The following LRRC7 variants were observed in gnomAD, a reference collection of about 807,000 sequenced individuals.
LRRC7 encodes leucine-rich repeat-containing protein 7.
LRRC7 carries 23 observed loss-of-function variants against 175.7 expected under a neutral mutation model. The observed-to-expected ratio is 0.13, with a 90% confidence interval of 0.09 to 0.19. The LOEUF is 0.19. Among genes scored for constraint, LRRC7 ranks in the 10% least tolerant of loss-of-function variants. The pLI is 1.00. For synonymous variants in LRRC7, 685 were observed against 680.9 expected (o/e 1.01, Z -0.09); for missense variants, 1,354 against 1,904.7 (o/e 0.71, Z 5.38).
intron 2 of LRRC7, among the ~76,000 whole-genome samples, chr1:69,708,153 A>G (rs542721194): frequency 6.6e-6 from 1 of 152,224 alleles, no homozygotes; most frequent in East Asian, 1.9e-4. Context: ...TAAAGCCACA[A>G]TATATACGTA....
rs1302499163 is a variant in LRRC7 at position 70,038,435 on chromosome 1, G to C, written c.2611G>C (p.Glu871Gln). 5 of 1,613,992 alleles carry C rather than the reference G, an allele frequency of 3.1e-6. No homozygotes were observed. The highest frequency in any genetic ancestry group is 3.4e-6 in the Non-Finnish European group (4 of 1,180,008). Residue 871 changes from glutamate (E) to glutamine (Q), a missense_variant, in exon 21 of 27, where the codon GAA (glutamate) becomes CAA (glutamine). Transcript: ENST00000651989. ...LEQSTHRHTPETEVPPSNPWQ... is the reference protein window; with the variant it reads ...LEQSTHRHTPQTEVPPSNPWQ... ...GCAGTCTACACACAGACACACACCAGAAACAGAAGTGCCTCCTTCCAATCC... is the reference window on the plus strand; with the variant it reads ...GCAGTCTACACACAGACACACACCACAAACAGAAGTGCCTCCTTCCAATCC...
chr1:69,777,119 A>G (rs191042684), intron 3 of LRRC7, among the ~76,000 whole-genome samples: 1 of 152,132 alleles, frequency 6.6e-6, no homozygotes, highest in South Asian at 2.1e-4. Flanking sequence ...TCCTTCTGTC[A>G]TCACCAATGG....
chr1:69,812,067 A>C (rs1677956509), intron 4 of LRRC7, among the ~76,000 whole-genome samples: 1 of 152,168 alleles, frequency 6.6e-6, no homozygotes, highest in South Asian at 2.1e-4. Context: ...ATTTGGCCTA[A>C]GAAAAATATA....
chr1:69,766,137 G>A (rs930731462), intron 3 of LRRC7, among the ~76,000 whole-genome samples: 1 of 151,936 alleles, frequency 6.6e-6, no homozygotes, highest in African/African-American at 2.4e-5. Flanking sequence ...GCTGGAACTT[G>A]CCCAGAAGTT....
At chr1:69,671,508 A>T (rs1659074364) in intron 1 of LRRC7, among the ~76,000 whole-genome samples, 1 of 152,140 alleles carries the variant, frequency 6.6e-6, no homozygotes, top group East Asian at 1.9e-4. Context: ...ACCAGTTGGT[A>T]TCTCAGTAGG....
intron 21 of LRRC7, among the ~76,000 whole-genome samples, chr1:70,041,069 G>C (rs985336135): frequency 6.6e-6 from 1 of 152,086 alleles, no homozygotes; most frequent in Non-Finnish European, 1.5e-5. Context: ...TGGTGAAAAT[G>C]GGGCTTTTTG....
At chr1:69,949,514 G>A (rs1398450323) in intron 8 of LRRC7, among the ~76,000 whole-genome samples, 1 of 152,066 alleles carries the variant, frequency 6.6e-6, no homozygotes, top group Non-Finnish European at 1.5e-5. Flanking sequence ...TGGAGATTGC[G>A]TGGCTCCACT....
At chr1:69,685,155 A>G (rs978622320) in intron 2 of LRRC7, among the ~76,000 whole-genome samples, 1 of 152,210 alleles carries the variant, frequency 6.6e-6, no homozygotes, top group Non-Finnish European at 1.5e-5. Context: ...CCAGATCAGC[A>G]TTAGCATTAT....
rs139364514 is a variant in LRRC7 at position 69,749,117 on chromosome 1, G to A, written c.101-11074G>A. On this transcript the variant is annotated intron_variant, in intron 2 of 26. Transcript: ENST00000651989. ...AATTTTCTTTCTACTGTCCTTACAT[G>A]TATATTTGCATATTTAAATAAGTTA... Among the ~76,000 whole-genome samples, 187 of 152,192 alleles carry A rather than the reference G, an allele frequency of 1.2e-3. 1 individual carries two copies. The highest frequency in any genetic ancestry group is 4.3e-3 in the African/African-American group (177 of 41,510).
chr1:70,001,538 A>T (rs1294751325), intron 11 of LRRC7, among the ~76,000 whole-genome samples: 1 of 152,220 alleles, frequency 6.6e-6, no homozygotes, highest in African/African-American at 2.4e-5. Context: ...TTTTAATGAA[A>T]CATTCTATCT....
intron 4 of LRRC7, among the ~76,000 whole-genome samples, chr1:69,819,713 C>G (rs1679044820): frequency 6.6e-6 from 1 of 151,614 alleles, no homozygotes; most frequent in South Asian, 2.1e-4. Context: ...ATGCTTGCTT[C>G]ATATATTTAG....
intron 1 of LRRC7, among the ~76,000 whole-genome samples, chr1:69,605,971 TAAGAC>T (rs1328476435): frequency 4.6e-5 from 7 of 152,156 alleles, no homozygotes; most frequent in Non-Finnish European, 1.0e-4. Context: ...CTAAAAAACT[TAAGAC>T]AAACTAAAAG....
At chr1:69,841,586 C>T (rs924492525) in intron 7 of LRRC7, among the ~76,000 whole-genome samples, 1 of 152,062 alleles carries the variant, frequency 6.6e-6, no homozygotes, top group African/African-American at 2.4e-5. Flanking sequence ...AATAGTCTCC[C>T]TTCTTCTTTA....
intron 7 of LRRC7, among the ~76,000 whole-genome samples, chr1:69,915,697 A>C (rs1291672217): frequency 1.3e-5 from 2 of 152,102 alleles, no homozygotes; most frequent in Non-Finnish European, 2.9e-5. Context: ...CAACACTTAT[A>C]AATCCTTGGA....
intron 24 of LRRC7, among the ~76,000 whole-genome samples, chr1:70,078,792 ACGCGCGCGCG>A (rs141606062): frequency 0.088 from 12,859 of 146,580 alleles, 690 homozygotes; most frequent in South Asian, 0.19. Flanking sequence ...TTCTACATAT[ACGCGCGCGCG>A]CGCGCGCGCA....
In LRRC7 at chr1:70,133,231, T is replaced by G. The variant is rs1666745666; in HGVS notation, c.*11344T>G. Among the ~76,000 whole-genome samples the G allele has an allele frequency of 6.6e-6, 1 of 152,138 alleles. No individual in the cohort carries two copies. The highest frequency in any genetic ancestry group is 1.5e-5 in the Non-Finnish European group (1 of 68,032). On this transcript the variant is annotated 3_prime_UTR_variant, in exon 27 of 27. Transcript: ENST00000651989. ...GTTGTTGTCGTGGGTGTTTTTTGTT[T>G]GTTTGTATTGAGACAGTGTCGCTCT...
chr1:69,700,185 T>C (rs1469323957), intron 2 of LRRC7, among the ~76,000 whole-genome samples: 2 of 152,032 alleles, frequency 1.3e-5, no homozygotes, highest in Admixed American at 6.6e-5. Context: ...GTGCTTTAGG[T>C]TGTAGATCCT....
intron 1 of LRRC7, among the ~76,000 whole-genome samples, chr1:69,637,075 T>C (rs1414921186): frequency 2.6e-5 from 4 of 151,200 alleles, no homozygotes; most frequent in African/African-American, 9.7e-5. Context: ...TTCACCCTTC[T>C]CTCTTTCTCT....
At chr1:69,965,873 C>T (rs1372708978) in intron 8 of LRRC7, among the ~76,000 whole-genome samples, 5 of 152,026 alleles carry the variant, frequency 3.3e-5, no homozygotes, top group African/African-American at 9.7e-5. Context: ...GAAAGAATTT[C>T]CACCAAGTAC....
Sources: gnomAD v4.1 joint callset for allele counts (sites outside exome capture counted in the v4.1 genomes callset) on GRCh38, gnomAD v4.1.1 for gene constraint, MANE v1.5 for transcripts, NCBI Gene and HGNC (gene_info 2026-07-23, HGNC 2026-07-21) for gene names.